The following BMP2K variants were observed in gnomAD, a reference collection of about 807,000 sequenced individuals.
The protein encoded by BMP2K is BMP2 inducible kinase, also known as BMP-2-inducible protein kinase.
BMP2K carries 74 observed loss-of-function variants against 116.0 expected under a neutral mutation model. The observed-to-expected ratio is 0.64, with a 90% CI of 0.53 to 0.77. The LOEUF is 0.77. BMP2K is among the 30% of genes least tolerant of loss of function. The pLI, the probability that BMP2K is intolerant of heterozygous loss-of-function variation, is 0.00. For synonymous variants in BMP2K, 486 were observed against 502.5 expected (o/e 0.97, Z 0.44); for missense variants, 1,365 against 1,403.6 (o/e 0.97, Z 0.44).
At position 78,782,459 on chromosome 4, in the gene BMP2K, T is replaced by A. The variant is rs1727550414; in HGVS notation, c.178+5738T>A. Among the ~76,000 whole-genome samples the A allele has an allele frequency of 2.0e-5, 3 of 152,208 alleles. No homozygotes were observed. The South Asian group carries it at 6.2e-4, about 31-fold the overall frequency. ...GGAAATGGTGCTTGATTTTTTTATT[T>A]TTAATCAGATGATGATCTTCAGTAG... is the stretch of plus-strand genomic sequence containing the variant. On this transcript the variant is annotated intron_variant, in intron 1 of 15. Transcript: ENST00000502613.
intron 1 of BMP2K, among the ~76,000 whole-genome samples, chr4:78,811,627 G>A (rs1034676551): frequency 6.6e-6 from 1 of 152,166 alleles, no homozygotes; most frequent in Non-Finnish European, 1.5e-5. Context: ...GTGTGTATAA[G>A]GTAATAAGCT....
rs1006104349 is a variant in BMP2K, at chr4:78,890,635, C to A, written c.2062+3351C>A. Among the ~76,000 whole-genome samples, 14 of 151,860 alleles carry A rather than the reference C, an allele frequency of 9.2e-5. No individual in the cohort carries two copies. The East Asian group carries it at 2.7e-3, about 29-fold the overall frequency. On this transcript the variant is annotated intron_variant, in intron 15 of 15. Transcript: ENST00000502613. ...TTTGTTTGCTTAGTTTTTTATGTAC[C>A]CTATCATTGATTAATCTTCATTTAG...
chr4:78,798,685 G>C (rs1212313822), intron 1 of BMP2K, among the ~76,000 whole-genome samples: 1 of 152,164 alleles, frequency 6.6e-6, no homozygotes, highest in African/African-American at 2.4e-5. Flanking sequence ...CATAACTACT[G>C]TCCTTTTAAG....
chr4:78,825,494 C>T (rs1729825730), intron 1 of BMP2K, among the ~76,000 whole-genome samples: 1 of 152,208 alleles, frequency 6.6e-6, no homozygotes, highest in African/African-American at 2.4e-5. Flanking sequence ...GCAACTCGGG[C>T]TGACTTTACA....
chr4:78,895,729 C>T (rs1733667853), intron 15 of BMP2K, among the ~76,000 whole-genome samples: 1 of 151,962 alleles, frequency 6.6e-6, no homozygotes, highest in Non-Finnish European at 1.5e-5. Context: ...ATATCATTGC[C>T]AATTGTACTC....
intron 1 of BMP2K, among the ~76,000 whole-genome samples, chr4:78,787,478 TAGAC>T (rs1054438768): frequency 2.6e-5 from 4 of 152,182 alleles, no homozygotes; most frequent in East Asian, 1.9e-4. Flanking sequence ...CCACTACCGT[TAGAC>T]AGAGTGGGAG....
At chr4:78,869,607 A>G (rs888773413) in intron 10 of BMP2K, among the ~76,000 whole-genome samples, 3 of 152,214 alleles carry the variant, frequency 2.0e-5, no homozygotes, top group Non-Finnish European at 4.4e-5. Flanking sequence ...CAAAATATGT[A>G]TCAAAACATC....
At chr4:78,857,840 CTG>C (rs1268663666) in intron 7 of BMP2K, among the ~76,000 whole-genome samples, 2 of 152,086 alleles carry the variant, frequency 1.3e-5, no homozygotes, top group African/African-American at 4.8e-5. Context: ...ATTAGATACA[CTG>C]TGATTCATGT....
At chr4:78,909,102 A>G (rs760341967) in intron 15 of BMP2K, among the ~76,000 whole-genome samples, 19 of 123,226 alleles carry the variant, frequency 1.5e-4, no homozygotes, top group Middle Eastern at 0.012. Context: ...TCTTTGGCCC[A>G]GACTGGAGTG....
intron 1 of BMP2K, among the ~76,000 whole-genome samples, chr4:78,802,646 C>A (rs1351826263): frequency 3.9e-5 from 6 of 152,062 alleles, no homozygotes; most frequent in Admixed American, 6.5e-5. Flanking sequence ...AAGATCAAAT[C>A]CCTCTGACTA....
chr4:78,854,241 T>C (rs1731394628), intron 7 of BMP2K, among the ~76,000 whole-genome samples: 1 of 149,104 alleles, frequency 6.7e-6, no homozygotes, highest in African/African-American at 2.4e-5. Flanking sequence ...TCTTAAGAGC[T>C]CATCTATTGG....
intron 15 of BMP2K, chr4:78,888,215 A>T (rs1342947467): frequency 1.3e-5 from 2 of 152,172 alleles, no homozygotes; most frequent in African/African-American, 2.4e-5. Context: ...ACATTTATTA[A>T]AAACAGTTCC....
At chr4:78,839,624 A>G (rs987785655) in intron 3 of BMP2K, among the ~76,000 whole-genome samples, 2 of 152,146 alleles carry the variant, frequency 1.3e-5, no homozygotes, top group African/African-American at 4.8e-5. Context: ...ATATACATAT[A>G]AAGGGGAGCT....
At chr4:78,906,772 G>T (rs1734306927) in intron 15 of BMP2K, among the ~76,000 whole-genome samples, 1 of 152,036 alleles carries the variant, frequency 6.6e-6, no homozygotes, top group Admixed American at 6.6e-5. Flanking sequence ...AATTGAATTT[G>T]GCCATTCCCA....
intron 14 of BMP2K, among the ~76,000 whole-genome samples, chr4:78,883,844 T>A (rs1203592491): frequency 6.6e-6 from 1 of 152,098 alleles, no homozygotes; most frequent in East Asian, 1.9e-4. Flanking sequence ...GGAGGATTGC[T>A]TGAGGCCAGG....
intron 1 of BMP2K, among the ~76,000 whole-genome samples, chr4:78,793,403 C>T (rs1728101149): frequency 7.1e-6 from 1 of 140,950 alleles, no homozygotes; most frequent in African/African-American, 2.8e-5. Context: ...GAGTGAGACT[C>T]CGTCTCAAAA....
At chr4:78,892,010 G>A (rs1205589734) in intron 15 of BMP2K, among the ~76,000 whole-genome samples, 1 of 152,108 alleles carries the variant, frequency 6.6e-6, no homozygotes, top group Non-Finnish European at 1.5e-5. Flanking sequence ...GCTGTTTTCA[G>A]TCTTTAAAAG....
chr4:78,912,170 A>G lies in BMP2K; in HGVS notation c.*137A>G, dbSNP rs1162199949. 5.1e-6 allele frequency: 4 copies of G among 786,040 alleles called. No individual in the cohort carries two copies. Among genetic ancestry groups the G allele is most frequent in the Non-Finnish European group, 8.2e-6 (4 of 487,968 alleles). 48.7% of individuals were successfully genotyped at this position (786,040 alleles called of 1,614,324 possible). On this transcript the variant is annotated 3_prime_UTR_variant, in exon 16 of 16. Transcript: ENST00000502613. ...GTCAGAATAGGTGATTTCTAAATAA[A>G]CCAAATAGAAGAATGAAGTATCTCT...
intron 7 of BMP2K, 135 bp downstream of exon 7, chr4:78,851,191 T>C: frequency 1.1e-6 from 1 of 914,688 alleles, no homozygotes; most frequent in South Asian, 2.4e-5. Flanking sequence ...GAAAAAAACA[T>C]TTAAAAAAGT....
Sources: gnomAD v4.1 joint callset for allele counts (sites outside exome capture counted in the v4.1 genomes callset) on GRCh38, gnomAD v4.1.1 for gene constraint, MANE v1.5 for transcripts, NCBI Gene and HGNC (gene_info 2026-07-23, HGNC 2026-07-21) for gene names.